The following PRKCH variants were observed in gnomAD, a reference collection of about 807,000 sequenced individuals.
The protein encoded by PRKCH is protein kinase C eta, also known as protein kinase C eta type.
Under a neutral mutation model 82.5 loss-of-function variants are expected in PRKCH, and 28 were observed. The observed-to-expected ratio is 0.34, with a 90% CI of 0.25 to 0.47. The LOEUF is 0.47. Among genes scored for constraint, PRKCH ranks in the 20% least tolerant of loss-of-function variants. The pLI is 1.00. For synonymous variants in PRKCH, 322 were observed against 327.4 expected (o/e 0.98, Z 0.18); for missense variants, 705 against 881.8 (o/e 0.80, Z 2.54).
chr14:61,521,934 A>G (rs974467913), intron 10 of PRKCH, among the ~76,000 whole-genome samples: 24 of 152,062 alleles, frequency 1.6e-4, no homozygotes, highest in African/African-American at 5.8e-4. Context: ...CTCTCTCCTT[A>G]TTTCATTCCT....
At chr14:61,450,764 A>G in intron 5 of PRKCH, 78 bp from the exon 6 acceptor site, 1 of 1,525,026 alleles carries the variant, frequency 6.6e-7, no homozygotes, top group African/African-American at 1.4e-5. Context: ...TTTGCATTTG[A>G]TGGGCTCCTA....
At chr14:61,351,314 C>T (rs1269686758) in intron 1 of PRKCH, among the ~76,000 whole-genome samples, 4 of 152,170 alleles carry the variant, frequency 2.6e-5, no homozygotes, top group African/African-American at 9.7e-5. Flanking sequence ...TCCCAGATGG[C>T]GCTTCCAGCT....
chr14:61,425,977 C>T (rs1034042679), intron 2 of PRKCH, among the ~76,000 whole-genome samples: 1 of 152,230 alleles, frequency 6.6e-6, no homozygotes, highest in Non-Finnish European at 1.5e-5. Context: ...CCATGTAAGA[C>T]ATGCCTGCTT....
intron 2 of PRKCH, among the ~76,000 whole-genome samples, chr14:61,392,023 T>C (rs1397113396): frequency 6.6e-6 from 1 of 152,208 alleles, no homozygotes; most frequent in African/African-American, 2.4e-5. Flanking sequence ...TATTCTCTTT[T>C]ATGTCTGGTT....
chr14:61,373,316 C>T (rs114603861), intron 1 of PRKCH, among the ~76,000 whole-genome samples: 1,655 of 151,740 alleles, frequency 0.011, 42 homozygotes, highest in African/African-American at 0.039. Flanking sequence ...AAGCAAGCAG[C>T]ATGACGGAGC....
At chr14:61,335,232 G>T (rs1469134973) in intron 1 of PRKCH, among the ~76,000 whole-genome samples, 7 of 152,012 alleles carry the variant, frequency 4.6e-5, no homozygotes, top group Admixed American at 2.0e-4. Flanking sequence ...TAGTCTTGTT[G>T]GCGCCCTCAA....
At chr14:61,329,676 A>G (rs926234310) in intron 1 of PRKCH, among the ~76,000 whole-genome samples, 9 of 152,182 alleles carry the variant, frequency 5.9e-5, no homozygotes, top group African/African-American at 2.2e-4. Flanking sequence ...TCGCTTTGCT[A>G]ATTCTTCCTT....
chr14:61,475,009 A>C (rs930466323), intron 9 of PRKCH, among the ~76,000 whole-genome samples: 5 of 152,230 alleles, frequency 3.3e-5, no homozygotes, highest in African/African-American at 1.2e-4. Context: ...TGTCTAATCA[A>C]CTATAACCCA....
intron 1 of PRKCH, among the ~76,000 whole-genome samples, chr14:61,382,683 A>G (rs1272678263): frequency 6.6e-6 from 1 of 152,200 alleles, no homozygotes; most frequent in Non-Finnish European, 1.5e-5. Context: ...AATTTTGTCA[A>G]CTTCTCTATT....
chr14:61,348,361 A>G (rs1473613889), intron 1 of PRKCH, among the ~76,000 whole-genome samples: 1 of 152,192 alleles, frequency 6.6e-6, no homozygotes, highest in Non-Finnish European at 1.5e-5. Flanking sequence ...GATGAAAACC[A>G]TGAGCCATTT....
At chr14:61,377,724 G>T (rs750417109) in intron 1 of PRKCH, among the ~76,000 whole-genome samples, 29 of 152,096 alleles carry the variant, frequency 1.9e-4, no homozygotes, top group Non-Finnish European at 4.1e-4. Context: ...GGATACCCAG[G>T]CCCCAAACTC....
At chr14:61,529,042 G>A in intron 10 of PRKCH, 33 bp from the exon 11 acceptor site, 1 of 1,579,836 alleles carries the variant, frequency 6.3e-7, no homozygotes, top group Non-Finnish European at 8.6e-7. Flanking sequence ...GGGTCTGGCT[G>A]CCCTATCTCG....
intron 1 of PRKCH, among the ~76,000 whole-genome samples, chr14:61,384,952 C>T (rs1261294617): frequency 1.3e-5 from 2 of 151,940 alleles, no homozygotes; most frequent in Non-Finnish European, 2.9e-5. Context: ...ATGGATGTCC[C>T]GTTGTTCTAG....
chr14:61,412,763 C>CT (rs1284569124), intron 2 of PRKCH, among the ~76,000 whole-genome samples: 2 of 152,142 alleles, frequency 1.3e-5, no homozygotes, highest in Non-Finnish European at 2.9e-5. Context: ...CCCCTTCCCA[C>CT]TTTTTTTCCC....
At chr14:61,418,206 A>G (rs1294192698) in intron 2 of PRKCH, among the ~76,000 whole-genome samples, 6 of 152,368 alleles carry the variant, frequency 3.9e-5, no homozygotes, top group African/African-American at 1.2e-4. Context: ...CCAAAACTAT[A>G]TTAGATTATA....
At chr14:61,326,049 C>T (rs534427136) in intron 1 of PRKCH, among the ~76,000 whole-genome samples, 82 of 152,316 alleles carry the variant, frequency 5.4e-4, no homozygotes, top group Middle Eastern at 3.4e-3. Context: ...AATAGTTTGG[C>T]AGTTTCTTAA....
At position 61,500,986 on chromosome 14, in the gene PRKCH, T is replaced by C. The variant is rs916295865; in HGVS notation, c.1433+15330T>C. Among the ~76,000 whole-genome samples, 7 of 152,314 alleles carry C rather than the reference T, an allele frequency of 4.6e-5. No homozygotes were observed. The East Asian group carries it at 5.8e-4, about 13-fold the overall frequency. Reference sequence around the variant, plus strand: ...GCATGAAAATGAGACAGTATTGGCTTACAGTTAAGAACGAGGCTTTGAAGT... The same window carrying C: ...GCATGAAAATGAGACAGTATTGGCTCACAGTTAAGAACGAGGCTTTGAAGT... On this transcript the variant is annotated intron_variant, in intron 10 of 13. Transcript: ENST00000332981.
chr14:61,465,407 G>T (rs538645037), intron 9 of PRKCH, among the ~76,000 whole-genome samples: 1 of 152,092 alleles, frequency 6.6e-6, no homozygotes, highest in Non-Finnish European at 1.5e-5. Flanking sequence ...TTTATGTGAC[G>T]TGAGATGAGG....
At chr14:61,520,721 T>C (rs2042894852) in intron 10 of PRKCH, among the ~76,000 whole-genome samples, 1 of 152,236 alleles carries the variant, frequency 6.6e-6, no homozygotes, top group South Asian at 2.1e-4. Context: ...TGGCAAGAAT[T>C]AGAAGGATGA....
Sources: gnomAD v4.1 joint callset for allele counts (sites outside exome capture counted in the v4.1 genomes callset) on GRCh38, gnomAD v4.1.1 for gene constraint, MANE v1.5 for transcripts, NCBI Gene and HGNC (gene_info 2026-07-23, HGNC 2026-07-21) for gene names.